The following ROBO1 variants were observed in gnomAD, a reference collection of about 807,000 sequenced individuals.
ROBO1 encodes roundabout guidance receptor 1, also known as roundabout homolog 1.
Under a neutral mutation model 195.9 loss-of-function variants are expected in ROBO1, and 149 were observed. That is an observed-to-expected ratio of 0.76 (90% confidence interval 0.67 to 0.87). The LOEUF is 0.87. Ranked by LOEUF, ROBO1 falls within the 40% of genes least tolerant of loss-of-function variation. The pLI is 0.00. For missense variants in ROBO1, 1,933 were observed against 2,068.3 expected (o/e 0.93, Z 1.27); for synonymous variants, 816 against 733.2 (o/e 1.11, Z -1.82).
At chr3:79,209,528 G>GT (rs1190799787) in intron 2 of ROBO1, among the ~76,000 whole-genome samples, 6 of 152,000 alleles carry the variant, frequency 3.9e-5, no homozygotes, top group African/African-American at 1.2e-4. Flanking sequence ...CAGCAGTGGG[G>GT]TTGCTGAATC....
At chr3:78,939,535 G>A (rs929560627) in intron 3 of ROBO1, among the ~76,000 whole-genome samples, 112 of 150,842 alleles carry the variant, frequency 7.4e-4, no homozygotes, top group Non-Finnish European at 1.5e-4. Context: ...GGAGAATGGC[G>A]TGAACCCGGG....
intron 4 of ROBO1, among the ~76,000 whole-genome samples, chr3:78,753,144 G>A (rs1416318279): frequency 6.6e-6 from 1 of 152,104 alleles, no homozygotes; most frequent in Non-Finnish European, 1.5e-5. Context: ...CAGATAAAAT[G>A]AGAAGAATTA....
chr3:79,016,727 C>G (rs2077947081), intron 3 of ROBO1, among the ~76,000 whole-genome samples: 1 of 152,136 alleles, frequency 6.6e-6, no homozygotes, highest in Non-Finnish European at 1.5e-5. Context: ...CCATTAATCC[C>G]CCTATCTTCA....
chr3:79,631,456 C>A (rs1440796644), intron 1 of ROBO1, among the ~76,000 whole-genome samples: 1 of 151,794 alleles, frequency 6.6e-6, no homozygotes, highest in Non-Finnish European at 1.5e-5. Flanking sequence ...AAATTTGGTC[C>A]CTATCTCTTA....
chr3:78,825,943 A>C (rs1166517924), intron 4 of ROBO1, among the ~76,000 whole-genome samples: 1 of 152,204 alleles, frequency 6.6e-6, no homozygotes, highest in Non-Finnish European at 1.5e-5. Flanking sequence ...TGCTGTGGTT[A>C]CTACTGGAAG....
intron 3 of ROBO1, among the ~76,000 whole-genome samples, chr3:79,096,512 C>A (rs2079569403): frequency 6.6e-6 from 1 of 151,564 alleles, no homozygotes; most frequent in Admixed American, 6.6e-5. Flanking sequence ...CAGCATGTAA[C>A]CTTAGTATTC....
intron 4 of ROBO1, among the ~76,000 whole-genome samples, chr3:78,890,386 G>A (rs565846801): frequency 3.3e-5 from 5 of 152,230 alleles, no homozygotes; most frequent in Admixed American, 1.3e-4. Context: ...TTCTCTCTCT[G>A]CTTGTATGCA....
At chr3:78,766,917 C>A (rs1365945125) in intron 4 of ROBO1, among the ~76,000 whole-genome samples, 1 of 152,156 alleles carries the variant, frequency 6.6e-6, no homozygotes, top group African/African-American at 2.4e-5. Context: ...TGGTGTATCG[C>A]ATTGACTGGC....
At chr3:78,830,084 A>G (rs1340237085) in intron 4 of ROBO1, among the ~76,000 whole-genome samples, 1 of 152,214 alleles carries the variant, frequency 6.6e-6, no homozygotes, top group Non-Finnish European at 1.5e-5. Context: ...TCCAATTTCT[A>G]TTAAAAGTCA....
intron 3 of ROBO1, among the ~76,000 whole-genome samples, chr3:78,951,161 A>G (rs2040757525): frequency 6.6e-6 from 1 of 151,884 alleles, no homozygotes; most frequent in Non-Finnish European, 1.5e-5. Flanking sequence ...AAGAGCATAT[A>G]TAAATCTCAT....
intron 2 of ROBO1, among the ~76,000 whole-genome samples, chr3:79,350,363 C>T (rs1161196768): frequency 1.3e-5 from 2 of 152,106 alleles, no homozygotes; most frequent in African/African-American, 2.4e-5. Context: ...TAATATGTTA[C>T]GGTGACTTTG....
chr3:79,719,553 GT>G (rs1229862655), intron 1 of ROBO1, among the ~76,000 whole-genome samples: 11 of 152,040 alleles, frequency 7.2e-5, no homozygotes, highest in African/African-American at 2.7e-4. Flanking sequence ...TCCAATGTTG[GT>G]GGGAAGATGG....
chr3:78,954,702 C>T (rs2040953250), intron 3 of ROBO1, among the ~76,000 whole-genome samples: 1 of 151,412 alleles, frequency 6.6e-6, no homozygotes, highest in African/African-American at 2.4e-5. Flanking sequence ...TTATATGGTA[C>T]TGCAATCAAT....
chr3:79,218,222 C>G (rs2082084446), intron 2 of ROBO1, among the ~76,000 whole-genome samples: 1 of 151,910 alleles, frequency 6.6e-6, no homozygotes, highest in African/African-American at 2.4e-5. Context: ...AATCCACTAT[C>G]TAAAAATTAG....
At chr3:78,642,815 C>T (rs1486692834) in intron 21 of ROBO1, among the ~76,000 whole-genome samples, 1 of 152,096 alleles carries the variant, frequency 6.6e-6, no homozygotes, top group Non-Finnish European at 1.5e-5. Context: ...CCAGGAATAG[C>T]CACATTTGCA....
At chr3:79,191,922 CTACTT>C (rs1225616611) in intron 2 of ROBO1, among the ~76,000 whole-genome samples, 3 of 151,418 alleles carry the variant, frequency 2.0e-5, no homozygotes, top group African/African-American at 2.4e-5. Flanking sequence ...TAGTTGATAA[CTACTT>C]TATTTTTAAA....
chr3:78,783,404 A>G (rs529390830), intron 4 of ROBO1, among the ~76,000 whole-genome samples: 39 of 152,306 alleles, frequency 2.6e-4, no homozygotes, highest in African/African-American at 9.4e-4. Flanking sequence ...CAGACCAAGG[A>G]TTTCATCTAT....
chr3:78,651,355 C>T (rs145751443), intron 19 of ROBO1, among the ~76,000 whole-genome samples: 53 of 152,186 alleles, frequency 3.5e-4, no homozygotes, highest in Admixed American at 2.3e-3. Flanking sequence ...TCCCCTGAAA[C>T]CATGTGAGAC....
At chr3:79,408,698 C>G (rs923839568) in intron 2 of ROBO1, among the ~76,000 whole-genome samples, 2 of 151,996 alleles carry the variant, frequency 1.3e-5, no homozygotes, top group African/African-American at 4.8e-5. Flanking sequence ...TTCTATGCCA[C>G]CATTTTTTGA....
Sources: gnomAD v4.1 joint callset for allele counts (sites outside exome capture counted in the v4.1 genomes callset) on GRCh38, gnomAD v4.1.1 for gene constraint, MANE v1.5 for transcripts, NCBI Gene and HGNC (gene_info 2026-07-23, HGNC 2026-07-21) for gene names.